The following ERI1 variants were observed in gnomAD, a reference collection of about 807,000 sequenced individuals.
ERI1 encodes the protein exoribonuclease 1, also known as 3'-5' exoribonuclease 1.
In ERI1, 39 loss-of-function variants were observed where a neutral mutation model predicts 39.7. The ratio of observed to expected loss-of-function variants is 0.98; its 90% CI spans 0.76 to 1.28. The LOEUF is 1.28. Ranked by LOEUF, ERI1 falls within the 50% of genes most tolerant of loss-of-function variation. The pLI is 0.00. For synonymous variants in ERI1, 204 were observed against 149.6 expected (o/e 1.36, Z -2.65); for missense variants, 581 against 416.9 (o/e 1.39, Z -3.43).
At chr8:9,071,768 T>C (rs766941798) in intron 3 of ERI1, among the ~76,000 whole-genome samples, 11 of 152,160 alleles carry the variant, frequency 7.2e-5, no homozygotes, top group Admixed American at 3.3e-4. Context: ...ACTTTGGAAA[T>C]AGAATGACAG....
At chr8:9,058,854 T>G (rs1160095452) in intron 3 of ERI1, among the ~76,000 whole-genome samples, 2 of 151,796 alleles carry the variant, frequency 1.3e-5, no homozygotes, top group African/African-American at 4.8e-5. Context: ...AATAAATAAA[T>G]AAATAAATAA....
chr8:9,083,417 C>G (rs564199279), intron 3 of ERI1, among the ~76,000 whole-genome samples: 1 of 152,210 alleles, frequency 6.6e-6, no homozygotes, highest in South Asian at 2.1e-4. Context: ...TATCTCCATT[C>G]TTTTTCTTTC....
chr8:9,028,267 G>A (rs911696565), intron 6 of ERI1, among the ~76,000 whole-genome samples: 6 of 152,122 alleles, frequency 3.9e-5, no homozygotes, highest in African/African-American at 9.7e-5. Flanking sequence ...GGTCTATTCC[G>A]ATTTTCTGTT....
rs77659735 is a variant in ERI1, at chr8:9,046,858, A to G, written n.299+26394A>G. 3.5e-3 allele frequency among the ~76,000 whole-genome samples: 540 copies of G among 152,310 alleles called. 3 individuals carry two copies. The highest frequency in any genetic ancestry group is 0.012 in the African/African-American group (518 of 41,572). On this transcript the variant is annotated intron_variant and non_coding_transcript_variant, in intron 3 of 3. Coordinates refer to the ERI1 transcript ENST00000518663. ...CCTCCCCTTGGGAAGAGGAAATACA[A>G]TCAGTTTTGTGGCACAGATGAGCTC...
chr8:9,045,707 C>T (rs1201354306), intron 3 of ERI1, among the ~76,000 whole-genome samples: 19 of 146,162 alleles, frequency 1.3e-4, no homozygotes, highest in Non-Finnish European at 2.2e-4. Flanking sequence ...GATGGAGTCT[C>T]ACTCTGTCAC....
rs142412810 is a variant in ERI1, at chr8:9,015,125, C to T, written c.499-1197C>T. 2.3e-3 allele frequency among the ~76,000 whole-genome samples: 345 copies of T among 152,316 alleles called. 2 individuals carry two copies. Among genetic ancestry groups the T allele is most frequent in the African/African-American group, 8.0e-3 (334 of 41,572 alleles). On this transcript the variant is annotated intron_variant, in intron 3 of 6. Coordinates refer to ENST00000250263, the MANE Select transcript of ERI1 (RefSeq NM_153332.4). ...GTGCTGGGATTACAGGCATTAGTCACCACATCTGGCCTCAGGTGTTCTTTT... is the reference window on the plus strand; with the variant it reads ...GTGCTGGGATTACAGGCATTAGTCATCACATCTGGCCTCAGGTGTTCTTTT...
chr8:9,004,425 T>A (rs1230549926), intron 1 of ERI1: 4 of 336,460 alleles, frequency 1.2e-5, no homozygotes, highest in African/African-American at 2.3e-5. Flanking sequence ...TGTTCCAAAT[T>A]GGCTTTAGTG....
At chr8:9,034,441 T>C (rs1284874256), downstream of ERI1, among the ~76,000 whole-genome samples, 1 of 152,254 alleles carries the variant, frequency 6.6e-6, no homozygotes, top group Non-Finnish European at 1.5e-5. Flanking sequence ...CAGCATACTT[T>C]CACTTCATGT....
Position 9,028,458 on chromosome 8 carries a change from T to A in ERI1, c.808-1334T>A, listed in dbSNP as rs79571366. Among the ~76,000 whole-genome samples the A allele has an allele frequency of 3.6e-3, 555 of 152,308 alleles. 13 individuals carry two copies. Among genetic ancestry groups the A allele is most frequent in the Admixed American group, 0.024 (367 of 15,294 alleles). On this transcript the variant is annotated intron_variant, in intron 6 of 6. Coordinates refer to ENST00000250263, the MANE Select transcript of ERI1 (RefSeq NM_153332.4). ...GATAATTATAGGTGTTTTACATCAT[T>A]TGCTTTGTGATTATCCCAGTAACCC...
rs151135562 is a variant in ERI1 at position 9,032,094 on chromosome 8, C to T, written c.*2060C>T. On this transcript the variant is annotated 3_prime_UTR_variant, in exon 7 of 7. Transcript: ENST00000250263. The stretch of plus-strand genomic sequence containing the variant: ...TTAATTCCTCTGTTGAGTCTCTGTC[C>T]TCCCCTCCAATTTGATTTGGGATTT... The T allele has an allele frequency of 6.6e-6, 1 of 152,202 alleles. No individual in the cohort carries two copies. The highest frequency in any genetic ancestry group is 1.9e-4 in the East Asian group (1 of 5,186). 9.4% of individuals were successfully genotyped at this position (152,202 alleles called of 1,614,324 possible). A position where few individuals can be genotyped will look rare whatever the true frequency, so the allele number is the denominator to read the frequency against.
chr8:9,098,814 A>C (rs533487488), intron 3 of ERI1, among the ~76,000 whole-genome samples: 3 of 152,326 alleles, frequency 2.0e-5, no homozygotes, highest in East Asian at 3.9e-4. Flanking sequence ...ACATATTTCA[A>C]ATATACAATT....
intron 3 of ERI1, among the ~76,000 whole-genome samples, chr8:9,056,363 T>C (rs1798506874): frequency 1.3e-5 from 2 of 152,248 alleles, no homozygotes; most frequent in Admixed American, 1.3e-4. Flanking sequence ...TACAGCATCA[T>C]ATTAGGACTT....
At chr8:9,047,877 A>C (rs1430522823) in intron 3 of ERI1, among the ~76,000 whole-genome samples, 1 of 152,250 alleles carries the variant, frequency 6.6e-6, no homozygotes, top group East Asian at 1.9e-4. Context: ...ACGAGTGCAC[A>C]CACGCCCACC....
chr8:9,045,823 TGCATCACCAC>T (rs1239723523), intron 3 of ERI1, among the ~76,000 whole-genome samples: 2 of 151,786 alleles, frequency 1.3e-5, no homozygotes, highest in Non-Finnish European at 2.9e-5. Flanking sequence ...ATTACAGGCA[TGCATCACCAC>T]GCCTGGCTAA....
At chr8:9,075,079 G>A (rs1025149323) in intron 3 of ERI1, among the ~76,000 whole-genome samples, 9 of 152,168 alleles carry the variant, frequency 5.9e-5, no homozygotes, top group African/African-American at 9.7e-5. Flanking sequence ...TTCCCTGTTC[G>A]GTGATGAAAT....
intron 3 of ERI1, among the ~76,000 whole-genome samples, chr8:9,085,304 G>A (rs1328435019): frequency 6.6e-6 from 1 of 152,114 alleles, no homozygotes; most frequent in East Asian, 1.9e-4. Flanking sequence ...TGCCTCCTGG[G>A]TTCAAGTGAT....
intron 3 of ERI1, among the ~76,000 whole-genome samples, chr8:9,038,770 A>G (rs1797929660): frequency 6.6e-6 from 1 of 152,252 alleles, no homozygotes; most frequent in South Asian, 2.1e-4. Flanking sequence ...AGTCATTTGC[A>G]TAATGGATCA....
intron 3 of ERI1, among the ~76,000 whole-genome samples, chr8:9,090,984 C>A (rs1799683667): frequency 6.6e-6 from 1 of 152,152 alleles, no homozygotes; most frequent in Non-Finnish European, 1.5e-5. Context: ...TAGAAAATTG[C>A]ATTTAAGTTC....
At chr8:9,033,377 T>A (rs1797723489), downstream of ERI1, 1 of 152,228 alleles carries the variant, frequency 6.6e-6, no homozygotes, top group African/African-American at 2.4e-5. Context: ...CTCTGACCAC[T>A]TTTGTGCTAC....
Sources: gnomAD v4.1 joint callset for allele counts (sites outside exome capture counted in the v4.1 genomes callset) on GRCh38, gnomAD v4.1.1 for gene constraint, MANE v1.5 for transcripts, NCBI Gene and HGNC (gene_info 2026-07-23, HGNC 2026-07-21) for gene names.